The following ABCA13 variants were observed in gnomAD, a reference collection of about 807,000 sequenced individuals.
ABCA13 encodes ATP binding cassette subfamily A member 13.
Under a neutral mutation model 478.7 loss-of-function variants are expected in ABCA13, and 476 were observed. The observed-to-expected ratio is 0.99, with a 90% CI of 0.92 to 1.07. The LOEUF is 1.07. ABCA13 is among the 50% of genes least tolerant of loss of function. ABCA13 has a pLI of 0.00. For missense variants in ABCA13, 6,060 were observed against 5,910.6 expected, an observed-to-expected ratio of 1.03 and a Z score of -0.83; for synonymous variants, 2,252 against 2,158.9, an observed-to-expected ratio of 1.04 and a Z score of -1.20.
At position 48,294,446 on chromosome 7, in the gene ABCA13, T is replaced by G. The variant is rs530321549; in HGVS notation, c.8956-1254T>G. On this transcript the variant is annotated intron_variant, in intron 20 of 61. Coordinates refer to ENST00000435803, the MANE Select transcript of ABCA13 (RefSeq NM_152701.5). The stretch of plus-strand genomic sequence containing the variant: ...ATGGGTTTTTTTTTTTTTTTTGTTT[T>G]GTTTTTTTTTTGAGACGGAGTCTCG... 6.0e-3 allele frequency among the ~76,000 whole-genome samples: 870 copies of G among 145,306 alleles called. 12 individuals carry two copies. The highest frequency in any genetic ancestry group is 0.021 in the African/African-American group (810 of 39,210).
At chr7:48,172,793 G>A (rs1251985018) in intron 1 of ABCA13, among the ~76,000 whole-genome samples, 5 of 78,354 alleles carry the variant, frequency 6.4e-5, no homozygotes, top group African/African-American at 1.7e-4. Flanking sequence ...GCGAGACTCC[G>A]TCTCAAAAAA....
At chr7:48,475,007 A>G (rs182056749) in intron 45 of ABCA13, among the ~76,000 whole-genome samples, 18 of 152,376 alleles carry the variant, frequency 1.2e-4, no homozygotes, top group Admixed American at 1.0e-3. Context: ...ATAAAGCAGT[A>G]TTAAGCAGGT....
intron 55 of ABCA13, among the ~76,000 whole-genome samples, chr7:48,537,749 G>A (rs1200260020): frequency 6.6e-6 from 1 of 152,050 alleles, no homozygotes; most frequent in Admixed American, 6.6e-5. Flanking sequence ...CAGGTGATCA[G>A]GGGTGACTCA....
At chr7:48,622,534 A>G (rs533959532) in intron 59 of ABCA13, among the ~76,000 whole-genome samples, 1 of 152,110 alleles carries the variant, frequency 6.6e-6, no homozygotes, top group African/African-American at 2.4e-5. Flanking sequence ...TAGTGATGTT[A>G]TGTCCCCTTG....
intron 15 of ABCA13, among the ~76,000 whole-genome samples, chr7:48,262,207 T>C (rs949319906): frequency 1.3e-5 from 2 of 151,972 alleles, no homozygotes; most frequent in Non-Finnish European, 2.9e-5. Context: ...CAGCTGTGTC[T>C]ATTACTGGAA....
At position 48,276,581 on chromosome 7, in the gene ABCA13, C is replaced by A. The variant is rs1420798922; in HGVS notation, c.6899+16C>A. Reference sequence around the variant, plus strand: ...CAGAGATGAGGTGAGTATACTTTTGCTTTGTGTCATATATGCAGTTGCGAT... The same window carrying A: ...CAGAGATGAGGTGAGTATACTTTTGATTTGTGTCATATATGCAGTTGCGAT... On this transcript the variant is annotated intron_variant, in intron 17 of 61. Coordinates refer to ENST00000435803, the MANE Select transcript of ABCA13 (RefSeq NM_152701.5). 5 of 1,603,004 alleles carry A rather than the reference C, an allele frequency of 3.1e-6. No individual in the cohort carries two copies. Among genetic ancestry groups the A allele is most frequent in the Non-Finnish European group, 3.4e-6 (4 of 1,173,626 alleles).
intron 2 of ABCA13, among the ~76,000 whole-genome samples, chr7:48,196,410 C>T (rs923153331): frequency 3.9e-5 from 6 of 152,138 alleles, no homozygotes; most frequent in African/African-American, 1.2e-4. Context: ...AAGGACTGCA[C>T]GTTGAAGCTC....
chr7:48,568,682 A>C (rs1787315783), intron 55 of ABCA13, among the ~76,000 whole-genome samples: 1 of 152,070 alleles, frequency 6.6e-6, no homozygotes. Flanking sequence ...AAGCATTAGT[A>C]TTAATCCATT....
chr7:48,200,574 G>A (rs944685461), intron 3 of ABCA13, among the ~76,000 whole-genome samples: 1 of 152,120 alleles, frequency 6.6e-6, no homozygotes, highest in Non-Finnish European at 1.5e-5. Flanking sequence ...CTTTGAGAAC[G>A]AAGAATGAAA....
intron 42 of ABCA13, among the ~76,000 whole-genome samples, chr7:48,436,242 T>C (rs2129153325): frequency 6.6e-6 from 1 of 151,908 alleles, no homozygotes; most frequent in East Asian, 1.9e-4. Flanking sequence ...AATTGCTTTT[T>C]GATTCAGTCT....
At chr7:48,233,104 TTTCCCCATCTTTAACACC>T (rs920009591) in intron 7 of ABCA13, among the ~76,000 whole-genome samples, 3 of 152,044 alleles carry the variant, frequency 2.0e-5, no homozygotes, top group Admixed American at 2.0e-4. Flanking sequence ...TTTCTGGGAT[TTTCCCCATCTTTAACACC>T]TTCCTGAAGT....
chr7:48,378,861 G>T (rs1813901742), intron 35 of ABCA13, among the ~76,000 whole-genome samples: 1 of 152,178 alleles, frequency 6.6e-6, no homozygotes, highest in African/African-American at 2.4e-5. Context: ...AATGAGTTAT[G>T]ATTCCCAGAT....
chr7:48,581,804 G>C (rs1159582227), intron 56 of ABCA13, among the ~76,000 whole-genome samples: 1 of 152,088 alleles, frequency 6.6e-6, no homozygotes, highest in African/African-American at 2.4e-5. Context: ...ATTGCTACTT[G>C]CTCTTGTTTC....
At chr7:48,475,814 A>G (rs1828031251) in intron 45 of ABCA13, among the ~76,000 whole-genome samples, 2 of 152,094 alleles carry the variant, frequency 1.3e-5, no homozygotes, top group South Asian at 4.1e-4. Context: ...AAACCTACAA[A>G]AAGGTTCCAT....
intron 25 of ABCA13, among the ~76,000 whole-genome samples, chr7:48,313,492 A>C (rs989782797): frequency 1.3e-5 from 2 of 152,264 alleles, no homozygotes; most frequent in South Asian, 4.1e-4. Flanking sequence ...CATTATCTAT[A>C]AAGTAAGAAA....
chr7:48,382,868 T>A (rs987233902), intron 35 of ABCA13, among the ~76,000 whole-genome samples: 1 of 152,090 alleles, frequency 6.6e-6, no homozygotes, highest in African/African-American at 2.4e-5. Flanking sequence ...GTGTGACTAG[T>A]TGATTTCTGT....
Position 48,629,759 on chromosome 7 carries a change from A to G in ABCA13, c.14838-13529A>G, listed in dbSNP as rs1012870968. 2.0e-5 allele frequency among the ~76,000 whole-genome samples: 3 copies of G among 152,014 alleles called. No homozygotes were observed. In the South Asian group the frequency reaches 6.2e-4, roughly 32 times the overall value. On this transcript the variant is annotated intron_variant, in intron 59 of 61. Transcript: ENST00000435803. ...TTGAGGCACCAGAATGGACAGGCCAAACTGCACAAGGATGAACCAAGCCTC... is the reference window on the plus strand; with the variant it reads ...TTGAGGCACCAGAATGGACAGGCCAGACTGCACAAGGATGAACCAAGCCTC...
chr7:48,615,940 T>G (rs1388317370), intron 59 of ABCA13, among the ~76,000 whole-genome samples: 1 of 152,236 alleles, frequency 6.6e-6, no homozygotes, highest in Non-Finnish European at 1.5e-5. Context: ...TCATGTATTT[T>G]CTTTATTTCC....
chr7:48,487,964 T>C (rs2362311), intron 47 of ABCA13, among the ~76,000 whole-genome samples: 145,943 of 152,292 alleles, frequency 0.96, 69,975 homozygotes, highest in East Asian at 1. Context: ...GTGTCTATGT[T>C]GCTGTAGTTT....
Sources: gnomAD v4.1 joint callset for allele counts (sites outside exome capture counted in the v4.1 genomes callset) on GRCh38, gnomAD v4.1.1 for gene constraint, MANE v1.5 for transcripts, NCBI Gene and HGNC (gene_info 2026-07-23, HGNC 2026-07-21) for gene names.